Variants in ALK observed in about 807,000 individuals in gnomAD.
ALK encodes ALK receptor tyrosine kinase, also known as ALK tyrosine kinase receptor.
In ALK, 74 loss-of-function variants were observed where a neutral mutation model predicts 163.1. The ratio of observed to expected loss-of-function variants is 0.45; its 90% CI spans 0.38 to 0.55. The LOEUF is 0.55. ALK is among the 20% of genes least tolerant of loss of function. The probability of loss-of-function intolerance (pLI) is 0.00; values close to 1 mark genes in which losing one functional copy is unlikely to be tolerated. For synonymous variants in ALK, 960 were observed against 843.2 expected, an observed-to-expected ratio of 1.14 and a Z score of -2.40; for missense variants, 2,063 against 2,105.3, an observed-to-expected ratio of 0.98 and a Z score of 0.39.
chr2:29,426,787 C>A (rs1045233855), intron 4 of ALK, among the ~76,000 whole-genome samples: 2 of 151,970 alleles, frequency 1.3e-5, no homozygotes, highest in African/African-American at 4.8e-5. Flanking sequence ...CGCCTGTAAT[C>A]CCAGCACTTT....
At chr2:29,739,973 T>C (rs1221347972) in intron 1 of ALK, among the ~76,000 whole-genome samples, 1 of 152,138 alleles carries the variant, frequency 6.6e-6, no homozygotes, top group Non-Finnish European at 1.5e-5. Context: ...CCAATACATG[T>C]AATGAAGACT....
intron 1 of ALK, among the ~76,000 whole-genome samples, chr2:29,757,334 C>G (rs1309352739): frequency 6.6e-6 from 1 of 152,116 alleles, no homozygotes; most frequent in Admixed American, 6.5e-5. Context: ...ACCATCACCC[C>G]CATTTTGCAG....
intron 1 of ALK, among the ~76,000 whole-genome samples, chr2:29,842,050 CCTCT>C (rs1361016726): frequency 1.3e-5 from 2 of 151,912 alleles, no homozygotes; most frequent in African/African-American, 4.8e-5. Context: ...TCTCTCCCTC[CCTCT>C]TTTTCTCCAT....
chr2:29,311,878 G>A (rs1282190817), intron 8 of ALK, among the ~76,000 whole-genome samples: 2 of 152,164 alleles, frequency 1.3e-5, no homozygotes, highest in South Asian at 2.1e-4. Flanking sequence ...CTGTGTAGGT[G>A]TCTGCTGATG....
intron 5 of ALK, among the ~76,000 whole-genome samples, chr2:29,358,455 G>T (rs1668304956): frequency 6.6e-6 from 1 of 152,150 alleles, no homozygotes. Context: ...GTTAGTGATT[G>T]GGCCTATGGT....
chr2:29,277,556 GT>G (rs1208115621), intron 9 of ALK, among the ~76,000 whole-genome samples: 2 of 152,230 alleles, frequency 1.3e-5, no homozygotes, highest in African/African-American at 4.8e-5. Flanking sequence ...CCCAAATCTG[GT>G]TTGATTCTAA....
intron 11 of ALK, among the ~76,000 whole-genome samples, chr2:29,263,275 G>A (rs1053676100): frequency 6.6e-6 from 1 of 152,184 alleles, no homozygotes; most frequent in Non-Finnish European, 1.5e-5. Context: ...CTGTTGTAAG[G>A]TTCACTAGCA....
At chr2:29,654,181 A>G (rs1195929561) in intron 3 of ALK, among the ~76,000 whole-genome samples, 1 of 152,194 alleles carries the variant, frequency 6.6e-6, no homozygotes, top group African/African-American at 2.4e-5. Context: ...CATTTTTCAG[A>G]CGAGAAAACA....
chr2:29,590,178 A>G (rs894004699), intron 3 of ALK, among the ~76,000 whole-genome samples: 1 of 152,202 alleles, frequency 6.6e-6, no homozygotes, highest in African/African-American at 2.4e-5. Flanking sequence ...AAGAACAAAT[A>G]AATTCCTAAT....
At chr2:29,216,143 A>T (rs192668478) in intron 23 of ALK, among the ~76,000 whole-genome samples, 2 of 152,138 alleles carry the variant, frequency 1.3e-5, no homozygotes, top group Non-Finnish European at 2.9e-5. Context: ...CCTGCGGCAA[A>T]GAGTTGGAAT....
chr2:29,920,310 G>C lies in ALK; in HGVS notation c.350C>G (p.Pro117Arg), dbSNP rs201290745. 2.0e-4 allele frequency: 309 copies of C among 1,559,256 alleles called. No homozygotes were observed. The highest frequency in any genetic ancestry group is 2.5e-4 in the Non-Finnish European group (291 of 1,153,116). ...CCTGGACAGCGTCCGGGCCTCTGCC[G>C]GGGCTGGTGAACCGGCGGTCCAGGA... ...GVSWTAGSPA[P>R]AEARTLSRVL... Residue 117 changes from proline to arginine, a missense_variant, in exon 1 of 29, where the codon CCG becomes CGG. Pro to Arg is a moderately radical substitution (Grantham distance 103). Coordinates refer to ENST00000389048, the MANE Select transcript of ALK (RefSeq NM_004304.5).
intron 3 of ALK, among the ~76,000 whole-genome samples, chr2:29,691,407 G>A (rs1170619263): frequency 6.6e-6 from 1 of 152,208 alleles, no homozygotes; most frequent in African/African-American, 2.4e-5. Context: ...GGAGACTGGT[G>A]TATCCACAGC....
chr2:29,310,930 G>A (rs572656270), intron 8 of ALK, among the ~76,000 whole-genome samples: 1 of 152,366 alleles, frequency 6.6e-6, no homozygotes, highest in South Asian at 2.1e-4. Context: ...TGTCATTAGA[G>A]ACTGGAAGTG....
intron 3 of ALK, among the ~76,000 whole-genome samples, chr2:29,679,638 T>C (rs888199979): frequency 2.6e-5 from 4 of 151,998 alleles, no homozygotes; most frequent in African/African-American, 9.6e-5. Context: ...GTTATTGTCC[T>C]ATATACATCT....
At chr2:29,499,002 C>T (rs567773795) in intron 4 of ALK, among the ~76,000 whole-genome samples, 1 of 152,264 alleles carries the variant, frequency 6.6e-6, no homozygotes, top group East Asian at 1.9e-4. Flanking sequence ...CTTCTCCTCC[C>T]CATCAAAAAG....
At chr2:29,613,839 C>T (rs559858398) in intron 3 of ALK, among the ~76,000 whole-genome samples, 49 of 152,326 alleles carry the variant, frequency 3.2e-4, no homozygotes, top group Non-Finnish European at 4.9e-4. Context: ...GGTTACTTAG[C>T]TTTGCAGATT....
intron 11 of ALK, among the ~76,000 whole-genome samples, chr2:29,265,714 G>A (rs1435737899): frequency 1.3e-5 from 2 of 152,126 alleles, no homozygotes; most frequent in South Asian, 2.1e-4. Flanking sequence ...AGAGCTGGGC[G>A]TGGTGGCTCA....
chr2:29,701,241 G>A (rs548146794), intron 2 of ALK, among the ~76,000 whole-genome samples: 27 of 152,286 alleles, frequency 1.8e-4, no homozygotes, highest in African/African-American at 6.3e-4. Flanking sequence ...TTAACCTTGA[G>A]CCTGTTAACC....
At chr2:29,628,334 C>T (rs1402739869) in intron 3 of ALK, among the ~76,000 whole-genome samples, 1 of 152,182 alleles carries the variant, frequency 6.6e-6, no homozygotes, top group African/African-American at 2.4e-5. Context: ...TTAACACATT[C>T]AGGATGAATC....
Sources: gnomAD v4.1 joint callset for allele counts (sites outside exome capture counted in the v4.1 genomes callset) on GRCh38, gnomAD v4.1.1 for gene constraint, MANE v1.5 for transcripts, NCBI Gene and HGNC (gene_info 2026-07-23, HGNC 2026-07-21) for gene names.